Variants in SLC24A2 observed in about 807,000 individuals in gnomAD.
SLC24A2 encodes the protein sodium/potassium/calcium exchanger 2.
SLC24A2 carries 36 observed loss-of-function variants against 62.0 expected under a neutral mutation model. The ratio of observed to expected loss-of-function variants is 0.58; its 90% CI spans 0.44 to 0.77. SLC24A2 has a LOEUF of 0.77. SLC24A2 is among the 30% of genes least tolerant of loss of function. The pLI is 0.00. For missense variants in SLC24A2, 846 were observed against 817.9 expected, an observed-to-expected ratio of 1.03 and a Z score of -0.42; for synonymous variants, 358 against 294.0, an observed-to-expected ratio of 1.22 and a Z score of -2.23.
rs1253490484 is a variant in SLC24A2 at position 19,514,775 on chromosome 9, C to A, written c.*1378G>T. ...ACATAGATGTTACAAGAACTTTAAC[C>A]AAAGCCTGGTCCTGGTACCACTCGA... On this transcript the variant is annotated 3_prime_UTR_variant, in exon 11 of 11. Transcript: ENST00000341998. 6.6e-6 allele frequency: 1 copy of A among 152,146 alleles called. No homozygotes were observed. Among genetic ancestry groups the A allele is most frequent in the African/African-American group, 2.4e-5 (1 of 41,436 alleles). 9.4% of individuals were successfully genotyped at this position (152,146 alleles called of 1,614,324 possible).
Position 19,524,885 on chromosome 9 carries a change from A to G in SLC24A2, c.1569+3164T>C, listed in dbSNP as rs1174187905. 2.0e-5 allele frequency among the ~76,000 whole-genome samples: 3 copies of G among 152,234 alleles called. No homozygotes were observed. The East Asian group carries it at 5.8e-4, about 29-fold the overall frequency. ...GCATGATGTTTTATAAAACGGCAAA[A>G]AAGAAATATCTGGGAAACAACATAT... On this transcript the variant is annotated intron_variant, in intron 9 of 10. Coordinates refer to ENST00000341998, the MANE Select transcript of SLC24A2 (RefSeq NM_020344.4).
chr9:19,619,522 G>A, intron 4 of SLC24A2, 62 bp downstream of exon 4: 4 of 1,269,838 alleles, frequency 3.2e-6, no homozygotes, highest in Non-Finnish European at 4.6e-6. Flanking sequence ...GTTTTATGCA[G>A]AGAAGCCTTT....
chr9:19,983,931 A>T, the SLC24A2 span, among the ~76,000 whole-genome samples: 1 of 152,346 alleles, frequency 6.6e-6, no homozygotes, highest in African/African-American at 2.4e-5. Context: ...TCCCCAACTT[A>T]CAATGGTTAG....
chr9:19,705,090 T>G (rs1334812105), intron 2 of SLC24A2, among the ~76,000 whole-genome samples: 1 of 152,210 alleles, frequency 6.6e-6, no homozygotes, highest in Non-Finnish European at 1.5e-5. Flanking sequence ...GTGATCCCTT[T>G]GTTCTCAGCA....
the SLC24A2 span, among the ~76,000 whole-genome samples, chr9:19,879,588 T>C: frequency 6.6e-6 from 1 of 152,246 alleles, no homozygotes; most frequent in Non-Finnish European, 1.5e-5. Context: ...ATAGTAGTAA[T>C]AGTAGTATCA....
At chr9:20,076,260 T>C in the SLC24A2 span, among the ~76,000 whole-genome samples, 1 of 152,026 alleles carries the variant, frequency 6.6e-6, no homozygotes, top group African/African-American at 2.4e-5. Flanking sequence ...TAGAAATCAT[T>C]TTTAGTTCCT....
the SLC24A2 span, among the ~76,000 whole-genome samples, chr9:20,288,741 CAAAAAAAAAA>C: frequency 1.3e-5 from 1 of 79,232 alleles, no homozygotes; most frequent in Non-Finnish European, 3.2e-5. Context: ...GACTCTGTCT[CAAAAAAAAAA>C]AAAAAAAAAA....
intron 2 of SLC24A2, among the ~76,000 whole-genome samples, chr9:19,653,083 G>A (rs1343858799): frequency 6.6e-6 from 1 of 152,078 alleles, no homozygotes; most frequent in Non-Finnish European, 1.5e-5. Context: ...GGCTCACCTC[G>A]GGCTGCCTCA....
At chr9:19,636,300 T>TTTCCTTTCCTTTCCTTTCCC (rs1818318838) in intron 2 of SLC24A2, among the ~76,000 whole-genome samples, 2 of 46,584 alleles carry the variant, frequency 4.3e-5, no homozygotes, top group African/African-American at 1.7e-4. Flanking sequence ...TTTTCTTTTC[T>TTTCCTTTCCTTTCCTTTCCC]TTTCTTTTCT....
the SLC24A2 span, among the ~76,000 whole-genome samples, chr9:20,258,787 TC>T: frequency 7.7e-6 from 1 of 129,168 alleles, no homozygotes; most frequent in African/African-American, 3.3e-5. Context: ...TATCTATCTA[TC>T]TATCTATCTA....
the SLC24A2 span, among the ~76,000 whole-genome samples, chr9:20,094,756 T>C: frequency 1.3e-5 from 2 of 152,168 alleles, no homozygotes; most frequent in African/African-American, 2.4e-5. Context: ...GTTTGGAAGA[T>C]CTTAATTATT....
the SLC24A2 span, among the ~76,000 whole-genome samples, chr9:19,831,754 T>C: frequency 1.3e-5 from 2 of 152,218 alleles, no homozygotes; most frequent in African/African-American, 4.8e-5. Context: ...CCATGCCAAA[T>C]ATTTATTTTC....
chr9:20,098,779 A>T, the SLC24A2 span, among the ~76,000 whole-genome samples: 3 of 152,236 alleles, frequency 2.0e-5, no homozygotes, highest in South Asian at 4.1e-4. Context: ...ACGAAGGGAA[A>T]GATATGGTTA....
the SLC24A2 span, among the ~76,000 whole-genome samples, chr9:19,808,018 T>C: frequency 6.6e-6 from 1 of 152,222 alleles, no homozygotes; most frequent in Non-Finnish European, 1.5e-5. The surrounding 1 kb of genome is among the most constrained non-coding windows in gnomAD (Gnocchi z 4.1). Context: ...TGCAAGGCAC[T>C]GTGGGGAAAG....
chr9:19,634,892 T>C (rs182105814), intron 2 of SLC24A2, among the ~76,000 whole-genome samples: 1 of 152,098 alleles, frequency 6.6e-6, no homozygotes, highest in East Asian at 1.9e-4. Flanking sequence ...AATAAAAAAA[T>C]AGAGATGAAA....
the SLC24A2 span, among the ~76,000 whole-genome samples, chr9:20,248,546 G>A: frequency 6.6e-6 from 1 of 152,108 alleles, no homozygotes; most frequent in Non-Finnish European, 1.5e-5. Flanking sequence ...AGGCTCTCTT[G>A]TGTCTCTTTT....
chr9:20,261,711 A>C, the SLC24A2 span, among the ~76,000 whole-genome samples: 1 of 149,032 alleles, frequency 6.7e-6, no homozygotes. Context: ...GCCATTTTGA[A>C]AATTTGTAGA....
At chr9:19,911,127 C>T in the SLC24A2 span, among the ~76,000 whole-genome samples, 7 of 138,102 alleles carry the variant, frequency 5.1e-5, no homozygotes, top group African/African-American at 1.9e-4. Flanking sequence ...TCCATGTGTT[C>T]TCATTGTTCA....
the SLC24A2 span, among the ~76,000 whole-genome samples, chr9:20,049,695 A>C: frequency 8.4e-6 from 1 of 119,752 alleles, no homozygotes; most frequent in Non-Finnish European, 1.7e-5. Context: ...GTATGATAAA[A>C]TATTTAAGAA....
Sources: allele counts gnomAD v4.1 joint callset (sites outside exome capture counted in the v4.1 genomes callset), GRCh38; gene constraint gnomAD v4.1.1; non-coding constraint Gnocchi (gnomAD v3.1); transcripts MANE v1.5; gene names NCBI Gene and HGNC (gene_info 2026-07-23, HGNC 2026-07-21).